Variants in HOMER3 observed in about 807,000 individuals in gnomAD.
The protein encoded by HOMER3 is homer protein homolog 3.
In HOMER3, 34 loss-of-function variants were observed where a neutral mutation model predicts 45.5. That is an observed-to-expected ratio of 0.75 (90% CI 0.57 to 1.00). HOMER3 has a LOEUF of 1.00. Among genes scored for constraint, HOMER3 ranks in the 50% least tolerant of loss-of-function variants. The pLI is 0.00. For missense variants in HOMER3, 480 were observed against 497.5 expected, an observed-to-expected ratio of 0.96 and a Z score of 0.33; for synonymous variants, 223 against 208.8, an observed-to-expected ratio of 1.07 and a Z score of -0.58.
chr19:18,934,314 C>A lies in HOMER3; in HGVS notation c.400G>T (p.Ala134Ser). 2.6e-6 allele frequency: 4 copies of A among 1,527,004 alleles called. No individual in the cohort carries two copies. Among genetic ancestry groups the A allele is most frequent in the Non-Finnish European group, 3.5e-6 (4 of 1,135,238 alleles). The allele number at this position is 1,527,004 out of a possible 1,614,324, so 94.6% of individuals were successfully genotyped here. Residue 134 changes from alanine to serine, a missense_variant, in exon 5 of 10, where the codon GCC becomes TCC. By Grantham distance (99) the Ala-to-Ser change is moderately conservative. Transcript: ENST00000392351. ...TAGGGAGTGCTGACCTGGTGGGAGG[C>A]GAGCCCCAGGGCTGGACTGGTGAGC... ...GELTSPALGL[A>S]SHQVPPSPLV...
chr19:18,932,493 G>C (rs2057047366), intron 6 of HOMER3, among the ~76,000 whole-genome samples: 1 of 152,092 alleles, frequency 6.6e-6, no homozygotes, highest in Non-Finnish European at 1.5e-5. Flanking sequence ...TGGCGACACT[G>C]ATTGCTGAGC....
In HOMER3 at chr19:18,931,994, G is replaced by A. The variant is rs1486468021; in HGVS notation, c.672C>T (p.Ala224=). 7 of 1,541,666 alleles carry A rather than the reference G, an allele frequency of 4.5e-6. No homozygotes were observed. The highest frequency in any genetic ancestry group is 2.5e-5 in the East Asian group (1 of 40,740). The change falls in exon 7 of 10, where the codon GCC becomes GCT. Residue 224 remains alanine (A), a synonymous_variant. Transcript: ENST00000392351. The stretch of plus-strand genomic sequence containing the variant: ...CCCTCACCCGCTGCCGCAGCCGCTC[G>A]GCCTCTGCACGCTGAGCCTCCAGCT... ...RQQLEAQRAE[A]ERLRQRVAEL...
intron 8 of HOMER3, 29 bp downstream of exon 8, chr19:18,931,480 G>A (rs746088116): frequency 7.4e-6 from 12 of 1,611,960 alleles, no homozygotes; most frequent in South Asian, 4.4e-5. Flanking sequence ...GAGGGAAGGC[G>A]AGGCCCAGGA....
Position 18,933,037 on chromosome 19 carries a change from C to A in HOMER3, c.420G>T (p.Pro140=), listed in dbSNP as rs200957892. 214 of 1,488,258 alleles carry A rather than the reference C, an allele frequency of 1.4e-4. No homozygotes were observed. The highest frequency in any genetic ancestry group is 1.9e-4 in the Admixed American group (7 of 36,050). 92.2% of individuals were successfully genotyped at this position (1,488,258 alleles called of 1,614,324 possible). A position where few individuals can be genotyped will look rare whatever the true frequency, so the allele number is the denominator to read the frequency against. Residue 140 remains proline, a synonymous_variant, in exon 6 of 10, where the codon CCG becomes CCT. Transcript: ENST00000392351. The stretch of plus-strand genomic sequence containing the variant: ...GGCCGTTGGCACTGACGAGAGGGCT[C>A]GGGGGCACCTAGGCACGGGGAAAAG... ...ALGLASHQVP[P]SPLVSANGPG...
chr19:18,937,689 AAAG>A (rs1369396362), intron 4 of HOMER3, among the ~76,000 whole-genome samples: 44 of 151,870 alleles, frequency 2.9e-4, no homozygotes, highest in Non-Finnish European at 4.0e-4. Context: ...AAAAAAAAAA[AAAG>A]AAGAAGATCT....
chr19:18,941,062 G>A lies in HOMER3; in HGVS notation c.-79C>T, dbSNP rs1229231919. ...CAGGCCGGGCTCACCCTGCCAGGTC[G>A]GCGCCCCGCGAGTGTCCAGGCGCGA... On this transcript the variant is annotated 5_prime_UTR_variant, in exon 1 of 10. Transcript: ENST00000392351. The A allele has an allele frequency of 6.6e-6, 1 of 151,562 alleles. No individual in the cohort carries two copies. 9.4% of individuals were successfully genotyped at this position (151,562 alleles called of 1,614,324 possible).
intron 4 of HOMER3, among the ~76,000 whole-genome samples, chr19:18,936,574 G>A (rs561398118): frequency 1.3e-5 from 2 of 151,824 alleles, no homozygotes; most frequent in East Asian, 1.9e-4. Flanking sequence ...GCTGAGGCAG[G>A]AGAATTGCTT....
intron 4 of HOMER3, among the ~76,000 whole-genome samples, chr19:18,936,557 T>C (rs990958349): frequency 6.6e-6 from 1 of 151,656 alleles, no homozygotes; most frequent in African/African-American, 2.4e-5. Context: ...TCCCAACTAC[T>C]TGGGAAGCTG....
At chr19:18,940,819 C>T (rs1192459844) in intron 1 of HOMER3, 1 of 152,390 alleles carries the variant, frequency 6.6e-6, no homozygotes, top group African/African-American at 2.4e-5. Flanking sequence ...TCTTCGCAGC[C>T]TCCTCCAACG....
rs1336074763 is a variant in HOMER3 at position 18,929,513 on chromosome 19, A to G, written c.1016T>C (p.Leu339Pro). Residue 339 changes from leucine (L) to proline (P), a missense_variant, in exon 10 of 10, where the codon CTG (leucine) becomes CCG (proline). Physicochemically the swap from Leu to Pro is moderately conservative, Grantham distance 98. Transcript: ENST00000392351. Reference protein sequence around the residue: ...RAEVGRAAQLLDVSLFELSEL... With the variant: ...RAEVGRAAQLPDVSLFELSEL... ...ACTCAGCTCAAACAGGCTGACGTCCAGCAGCTGCGCTGCCCGGCCCACCTC... is the reference window on the plus strand; with the variant it reads ...ACTCAGCTCAAACAGGCTGACGTCCGGCAGCTGCGCTGCCCGGCCCACCTC... The G allele has an allele frequency of 1.9e-6, 3 of 1,581,542 alleles. No individual in the cohort carries two copies. The highest frequency in any genetic ancestry group is 1.1e-5 in the South Asian group (1 of 87,848).
chr19:18,937,570 G>A (rs2057106903), intron 4 of HOMER3, among the ~76,000 whole-genome samples: 1 of 151,352 alleles, frequency 6.6e-6, no homozygotes, highest in East Asian at 1.9e-4. Context: ...TACTCCAGAG[G>A]CTGAGGCAGG....
Position 18,929,425 on chromosome 19 carries a change from T to C in HOMER3, c.*18A>G. ...CCGCATCCCAGGCCGGAATCGTTCA[T>C]AGAAAACCAGCCCCGGCTCAGGGCG... On this transcript the variant is annotated 3_prime_UTR_variant, in exon 10 of 10. Coordinates refer to ENST00000392351, the MANE Select transcript of HOMER3 (RefSeq NM_004838.4). The C allele has an allele frequency of 6.3e-7, 1 of 1,587,684 alleles. No homozygotes were observed. Among genetic ancestry groups the C allele is most frequent in the Non-Finnish European group, 8.5e-7 (1 of 1,171,350 alleles).
rs772750160 is a variant in HOMER3, at chr19:18,929,227, A to T, written c.*216T>A. On this transcript the variant is annotated 3_prime_UTR_variant, in exon 10 of 10. Coordinates refer to ENST00000392351, the MANE Select transcript of HOMER3 (RefSeq NM_004838.4). ...CCACGCTTAGAAATGTAATCGGGGGATCTAGAAATTCTACACAATGAGAAG... is the reference window on the plus strand; with the variant it reads ...CCACGCTTAGAAATGTAATCGGGGGTTCTAGAAATTCTACACAATGAGAAG... 6 of 764,412 alleles carry T rather than the reference A, an allele frequency of 7.8e-6. No individual in the cohort carries two copies. The highest frequency in any genetic ancestry group is 1.4e-5 in the Non-Finnish European group (6 of 418,222). The allele number at this position is 764,412 out of a possible 1,614,324, so 47.4% of individuals were successfully genotyped here.
intron 4 of HOMER3, among the ~76,000 whole-genome samples, chr19:18,934,647 C>T (rs1181395068): frequency 6.6e-6 from 1 of 152,102 alleles, no homozygotes; most frequent in Non-Finnish European, 1.5e-5. Flanking sequence ...AAGGAATTCC[C>T]ATGTCCTCTT....
At chr19:18,934,138 C>T (rs2057066665) in intron 5 of HOMER3, among the ~76,000 whole-genome samples, 165 bp downstream of exon 5, 1 of 152,258 alleles carries the variant, frequency 6.6e-6, no homozygotes. Flanking sequence ...CACCACTCCT[C>T]TGTGGTCCCT....
chr19:18,931,853 T>C (rs2057036430), intron 7 of HOMER3, 123 bp downstream of exon 7: 2 of 1,428,446 alleles, frequency 1.4e-6, no homozygotes, highest in African/African-American at 1.4e-5. Flanking sequence ...TGAGGCTGGG[T>C]CAGTGACCTG....
intron 3 of HOMER3, 109 bp from the exon 4 acceptor site, chr19:18,938,593 T>C: frequency 6.6e-7 from 1 of 1,506,306 alleles, no homozygotes; most frequent in South Asian, 1.2e-5. Flanking sequence ...CTCTGAACCC[T>C]TTCAGGAGAT....
chr19:18,938,561 AT>A, intron 3 of HOMER3, 77 bp from the exon 4 acceptor site: 1 of 1,550,712 alleles, frequency 6.4e-7, no homozygotes, highest in Non-Finnish European at 8.8e-7. Context: ...ATTACCTTGT[AT>A]TAGGGTCTTG....
chr19:18,934,286 G>C lies in HOMER3; in HGVS notation c.411+17C>G, dbSNP rs1190151634. On this transcript the variant is annotated intron_variant, in intron 5 of 9. Coordinates refer to ENST00000392351, the MANE Select transcript of HOMER3 (RefSeq NM_004838.4). ...CACAGGTGCCCAGGCAGGCATAGGG[G>C]AGTAGGGAGTGCTGACCTGGTGGGA... The C allele has an allele frequency of 7.0e-7, 1 of 1,428,308 alleles. No homozygotes were observed. The highest frequency in any genetic ancestry group is 9.3e-7 in the Non-Finnish European group (1 of 1,070,332). The allele number at this position is 1,428,308 out of a possible 1,614,324, so 88.5% of individuals were successfully genotyped here.
Sources: allele counts gnomAD v4.1 joint callset (sites outside exome capture counted in the v4.1 genomes callset), GRCh38; gene constraint gnomAD v4.1.1; transcripts MANE v1.5; gene names NCBI Gene and HGNC (gene_info 2026-07-23, HGNC 2026-07-21).